Variants in CELF2 observed in about 807,000 individuals in gnomAD.
CELF2 encodes the protein CUG triplet repeat RNA-binding protein 2.
Under a neutral mutation model 62.6 loss-of-function variants are expected in CELF2, and 8 were observed. That is an observed-to-expected ratio of 0.13 (90% CI 0.07 to 0.23). The LOEUF (loss-of-function observed/expected upper bound fraction) is 0.23, where lower values mean the gene tolerates loss of function less well. Among genes scored for constraint, CELF2 ranks in the 10% least tolerant of loss-of-function variants. CELF2 has a pLI of 1.00. For missense variants in CELF2, 333 were observed against 671.0 expected (o/e 0.50, Z 5.56); for synonymous variants, 258 against 250.0 (o/e 1.03, Z -0.30).
Position 11,333,660 on chromosome 10 carries a change from A to AGAATTACAAAATAGT in CELF2, c.*4607_*4608insGAATTACAAAATAGT, listed in dbSNP as rs2096069902. ...AATTGATGTTTGTAGATTAATAATC[A>AGAATTACAAAATAGT]TTTTGTTTAGAATTACAAAATAGTT... On this transcript the variant is annotated 3_prime_UTR_variant, in exon 13 of 13. Coordinates refer to ENST00000633077, the MANE Select transcript of CELF2 (RefSeq NM_001326342.2). 1 of 152,556 alleles carries AGAATTACAAAATAGT rather than the reference A, an allele frequency of 6.6e-6. No individual in the cohort carries two copies. Among genetic ancestry groups the AGAATTACAAAATAGT allele is most frequent in the African/African-American group, 2.4e-5 (1 of 41,422 alleles). The allele number at this position is 152,556 out of a possible 1,614,324, so 9.5% of individuals were successfully genotyped here.
In CELF2 at chr10:11,010,499, C is replaced by A. The variant is rs926052711; in HGVS notation, c.53+5059C>A. Among the ~76,000 whole-genome samples the A allele has an allele frequency of 6.6e-6, 1 of 152,170 alleles. No homozygotes were observed. The highest frequency in any genetic ancestry group is 2.4e-5 in the African/African-American group (1 of 41,432). ...TGAAACTTATTAACAATCTACCTGG[C>A]ACTACACTAACTGGTTACTTTGATC... On this transcript the variant is annotated intron_variant, in intron 1 of 12. Coordinates refer to the CELF2 transcript ENST00000416382. The surrounding 1 kb of genome is among the most constrained non-coding windows in gnomAD (Gnocchi z 4.1).
At chr10:10,563,907 G>C in the CELF2 span, among the ~76,000 whole-genome samples, 2 of 152,162 alleles carry the variant, frequency 1.3e-5, no homozygotes, top group African/African-American at 4.8e-5. Flanking sequence ...GAGGTGAATT[G>C]AGAAGTGTTG....
At chr10:10,541,624 G>T in the CELF2 span, among the ~76,000 whole-genome samples, 6 of 152,338 alleles carry the variant, frequency 3.9e-5, no homozygotes, top group South Asian at 1.2e-3. Flanking sequence ...TGTTGCCATG[G>T]TGTCTGTAAA....
rs74530001 is a variant in CELF2 at position 11,300,667 on chromosome 10, T to C, written c.976+12115T>C. On this transcript the variant is annotated intron_variant, in intron 9 of 12. Transcript: ENST00000633077. The surrounding 1 kb of genome is among the most constrained non-coding windows in gnomAD (Gnocchi z 5.5). ...GTATATTAATGCCCCAGGGTTGTGATTGGCTAGTAATGCTAGTGCCTGTGT... is the reference window on the plus strand; with the variant it reads ...GTATATTAATGCCCCAGGGTTGTGACTGGCTAGTAATGCTAGTGCCTGTGT... 8.4e-3 allele frequency among the ~76,000 whole-genome samples: 1,277 copies of C among 152,328 alleles called. 24 individuals carry two copies. The highest frequency in any genetic ancestry group is 0.029 in the African/African-American group (1,187 of 41,564).
At chr10:10,525,550 T>A in the CELF2 span, among the ~76,000 whole-genome samples, 27 of 152,182 alleles carry the variant, frequency 1.8e-4, no homozygotes, top group Non-Finnish European at 3.1e-4. Context: ...GCTTCTATGG[T>A]TTCAACATTT....
the CELF2 span, among the ~76,000 whole-genome samples, chr10:10,724,805 T>C: frequency 6.6e-6 from 1 of 152,196 alleles, no homozygotes; most frequent in Non-Finnish European, 1.5e-5. Context: ...CTGTAAATGA[T>C]TGTAGCCCCT....
intron 2 of CELF2, among the ~76,000 whole-genome samples, chr10:10,975,956 A>T (rs1167931686): frequency 6.6e-6 from 1 of 152,224 alleles, no homozygotes; most frequent in Admixed American, 6.5e-5. Flanking sequence ...GGGTGGGTCA[A>T]TGGAAATTGA....
In CELF2 at chr10:11,244,073, C is replaced by T. The variant is rs1308361712; in HGVS notation, c.355-5080C>T. Among the ~76,000 whole-genome samples the T allele has an allele frequency of 6.6e-6, 1 of 152,220 alleles. No individual in the cohort carries two copies. The highest frequency in any genetic ancestry group is 1.5e-5 in the Non-Finnish European group (1 of 68,046). On this transcript the variant is annotated intron_variant, in intron 3 of 12. Coordinates refer to ENST00000633077, the MANE Select transcript of CELF2 (RefSeq NM_001326342.2). The surrounding 1 kb of genome is among the most constrained non-coding windows in gnomAD (Gnocchi z 4.2). ...CAGGGCACAGCATGAGATCCTGCCT[C>T]CAGCCCCATCTAGCTCTGGCAGCAG...
intron 1 of CELF2, among the ~76,000 whole-genome samples, chr10:11,051,246 T>C (rs184638674): frequency 7.4e-4 from 112 of 152,330 alleles, no homozygotes; most frequent in African/African-American, 2.5e-3. Flanking sequence ...AAAAGTTGTA[T>C]TGGAGCCAGA....
chr10:10,477,912 A>G, the CELF2 span, among the ~76,000 whole-genome samples: 2 of 152,126 alleles, frequency 1.3e-5, no homozygotes, highest in Non-Finnish European at 2.9e-5. Flanking sequence ...TGGATCCCTC[A>G]TATAATGGGG....
rs1286311955 is a variant in CELF2 at position 11,302,467 on chromosome 10, C to A, written c.977-11672C>A. Among the ~76,000 whole-genome samples, 2 of 152,336 alleles carry A rather than the reference C, an allele frequency of 1.3e-5. No individual in the cohort carries two copies. The highest frequency in any genetic ancestry group is 3.9e-4 in the East Asian group (2 of 5,182). On this transcript the variant is annotated intron_variant, in intron 9 of 12. Coordinates refer to ENST00000633077, the MANE Select transcript of CELF2 (RefSeq NM_001326342.2). The surrounding 1 kb of genome is among the most constrained non-coding windows in gnomAD (Gnocchi z 5.0). The stretch of plus-strand genomic sequence containing the variant: ...TGTAACTTTACAGTAACGATCTTCT[C>A]CATTAAATGTGTCTGTGGCTGCAGT...
At chr10:10,658,669 A>G in the CELF2 span, among the ~76,000 whole-genome samples, 1 of 152,210 alleles carries the variant, frequency 6.6e-6, no homozygotes, top group Non-Finnish European at 1.5e-5. Context: ...AGGCATCTTC[A>G]GGAAGTCAAA....
chr10:10,565,360 C>T, the CELF2 span, among the ~76,000 whole-genome samples: 20,534 of 152,222 alleles, frequency 0.13, 1,662 homozygotes, highest in Admixed American at 0.17. Context: ...CCTGTGATGA[C>T]GGCTCTCATA....
At chr10:10,684,944 G>T in the CELF2 span, among the ~76,000 whole-genome samples, 1 of 152,262 alleles carries the variant, frequency 6.6e-6, no homozygotes, top group South Asian at 2.1e-4. Context: ...TGAGAGTTAA[G>T]ATTTCCCATA....
chr10:11,158,336 T>A (rs908203096), intron 1 of CELF2, among the ~76,000 whole-genome samples: 5 of 152,268 alleles, frequency 3.3e-5, no homozygotes, highest in African/African-American at 4.8e-5. Flanking sequence ...AGAGGATTCA[T>A]TGGTGTCGTC....
At chr10:11,197,025 A>AAGGAAGGAAGGAAGGAAGG (rs1554936316) in intron 2 of CELF2, among the ~76,000 whole-genome samples, 6 of 26,130 alleles carry the variant, frequency 2.3e-4, no homozygotes, top group African/African-American at 3.5e-4. Flanking sequence ...AGAAAGAAAG[A>AAGGAAGGAAGGAAGGAAGG]AAAGAAAGAA....
At chr10:11,257,339 A>C (rs1287260992) in intron 4 of CELF2, among the ~76,000 whole-genome samples, 1 of 60,586 alleles carries the variant, frequency 1.7e-5, no homozygotes, top group African/African-American at 6.9e-5. Flanking sequence ...CCATCTACAA[A>C]AAAAAAAAAA....
the CELF2 span, among the ~76,000 whole-genome samples, chr10:10,710,854 C>A: frequency 6.6e-6 from 1 of 152,042 alleles, no homozygotes; most frequent in Non-Finnish European, 1.5e-5. Flanking sequence ...ACAACTGAGA[C>A]GTTGATACTG....
intron 1 of CELF2, among the ~76,000 whole-genome samples, chr10:10,866,299 T>C (rs1185554160): frequency 3.9e-5 from 6 of 152,022 alleles, no homozygotes; most frequent in Admixed American, 3.9e-4. Context: ...AGGGGAGCTG[T>C]GAGGCTTTAC....
Sources: gnomAD v4.1 joint callset for allele counts (sites outside exome capture counted in the v4.1 genomes callset) on GRCh38, gnomAD v4.1.1 for gene constraint, Gnocchi (gnomAD v3.1) non-coding constraint, MANE v1.5 for transcripts, NCBI Gene and HGNC (gene_info 2026-07-23, HGNC 2026-07-21) for gene names.